The following DSC3 variants were observed in gnomAD, a reference collection of about 807,000 sequenced individuals.
DSC3 encodes the protein desmocollin-3.
In DSC3, 97 loss-of-function variants were observed where a neutral mutation model predicts 89.5. The ratio of observed to expected loss-of-function variants is 1.08; its 90% CI spans 0.92 to 1.28. DSC3 has a LOEUF of 1.28. Among genes scored for constraint, DSC3 ranks in the 50% most tolerant of loss-of-function variants. The probability of loss-of-function intolerance (pLI) is 0.00; values close to 1 mark genes in which losing one functional copy is unlikely to be tolerated. For missense variants in DSC3, 1,199 were observed against 1,085.3 expected (o/e 1.10, Z -1.47); for synonymous variants, 436 against 384.1 (o/e 1.14, Z -1.58).
At position 31,024,443 on chromosome 18, in the gene DSC3, G is replaced by A. The variant is rs1305916453; in HGVS notation, c.681C>T (p.Leu227=). ...TADGYSADLP[L]PLPIRVEDEN... is the part of the protein sequence containing the mutation. Reference sequence around the variant, plus strand: ...CATCCTCTACCCTGATGGGTAGTGGGAGGGGCAGATCTGCTGAATATCCAT... The same window carrying A: ...CATCCTCTACCCTGATGGGTAGTGGAAGGGGCAGATCTGCTGAATATCCAT... Residue 227 remains leucine, a synonymous_variant, in exon 6 of 16, where the codon CTC becomes CTT. Coordinates refer to ENST00000360428, the MANE Select transcript of DSC3 (RefSeq NM_001941.5). 6.2e-7 allele frequency: 1 copy of A among 1,612,544 alleles called. No individual in the cohort carries two copies. The highest frequency in any genetic ancestry group is 1.1e-5 in the South Asian group (1 of 90,814).
At position 31,008,061 on chromosome 18, in the gene DSC3, G is replaced by A; in HGVS notation, c.1618C>T (p.Pro540Ser). 6.2e-7 allele frequency: 1 copy of A among 1,612,536 alleles called. No homozygotes were observed. Among genetic ancestry groups the A allele is most frequent in the Non-Finnish European group, 8.5e-7 (1 of 1,179,476 alleles). ...GTAATATTATACAACTCATTTTTGG[G>A]AGTTTCAACCTCCCTATCCAGGATT... is the stretch of plus-strand genomic sequence containing the variant. Reference protein sequence around the residue: ...SKILDREVETPKNELYNITVL... With the variant: ...SKILDREVETSKNELYNITVL... The change falls in exon 11 of 16, where the codon CCC becomes TCC. Residue 540 changes from proline to serine, a missense_variant. Coordinates refer to ENST00000360428, the MANE Select transcript of DSC3 (RefSeq NM_001941.5).
At chr18:31,029,393 T>A (rs1985703766) in intron 4 of DSC3, 116 bp downstream of exon 4, 2 of 1,352,114 alleles carry the variant, frequency 1.5e-6, no homozygotes, top group East Asian at 4.8e-5. Flanking sequence ...TTGTTACACC[T>A]CATGAACATC....
At chr18:31,001,471 A>T (rs528808376) in intron 14 of DSC3, 147 bp downstream of exon 14, 267 of 894,292 alleles carry the variant, frequency 3.0e-4, no homozygotes, top group Non-Finnish European at 4.2e-4. Flanking sequence ...CACTATATAA[A>T]CATATGAATA....
intron 1 of DSC3, among the ~76,000 whole-genome samples, chr18:31,035,746 A>AT (rs534386647): frequency 2.0e-5 from 3 of 152,050 alleles, no homozygotes; most frequent in Non-Finnish European, 4.4e-5. Flanking sequence ...TTTTTGTTCT[A>AT]TTTTTTAATT....
chr18:31,028,564 A>G (rs1985677310), intron 4 of DSC3, among the ~76,000 whole-genome samples: 1 of 152,160 alleles, frequency 6.6e-6, no homozygotes, highest in Non-Finnish European at 1.5e-5. Flanking sequence ...GCACTAGGGT[A>G]GAATAAAAAA....
chr18:31,035,544 C>A (rs959110280), intron 1 of DSC3, among the ~76,000 whole-genome samples: 2 of 151,976 alleles, frequency 1.3e-5, no homozygotes, highest in Non-Finnish European at 2.9e-5. Flanking sequence ...CTTCAACAAA[C>A]CACCCATTGG....
rs1465466752 is a variant in DSC3, at chr18:31,025,746, A to G, written c.630+14T>C. 1.2e-6 allele frequency: 2 copies of G among 1,612,024 alleles called. No homozygotes were observed. Among genetic ancestry groups the G allele is most frequent in the African/African-American group, 1.3e-5 (1 of 74,966 alleles). ...TTAATAATTTAAAGTCAGGCATATCAATAAAAGTCCTACATCAAAAACATC... is the reference window on the plus strand; with the variant it reads ...TTAATAATTTAAAGTCAGGCATATCGATAAAAGTCCTACATCAAAAACATC... On this transcript the variant is annotated intron_variant, in intron 5 of 15. Transcript: ENST00000360428.
rs1984494353 is a variant in DSC3 at position 30,996,942 on chromosome 18, ATTTC to A, written c.2338_2341del (p.Glu780Ter). 4.3e-6 allele frequency: 7 copies of A among 1,613,958 alleles called. No individual in the cohort carries two copies. The highest frequency in any genetic ancestry group is 5.9e-6 in the Non-Finnish European group (7 of 1,180,020). ...CAAGGTCTGGTTTCCTCCTTTCATC[ATTTC>A]AATGGTTTCCTGCCCTCCATTTTTC... On this transcript the variant is annotated frameshift_variant, in exon 15 of 16. Transcript: ENST00000360428. LOFTEE classifies it high-confidence loss of function.
chr18:31,041,002 TAAA>T (rs869293863), intron 1 of DSC3, among the ~76,000 whole-genome samples: 1 of 88,080 alleles, frequency 1.1e-5, no homozygotes, highest in East Asian at 4.5e-4. Flanking sequence ...GGAATTATTT[TAAA>T]AAAAAAAAAT....
intron 6 of DSC3, 35 bp downstream of exon 6, chr18:31,024,314 A>C: frequency 2.0e-6 from 3 of 1,537,422 alleles, no homozygotes; most frequent in Non-Finnish European, 2.6e-6. Flanking sequence ...AGACATATTT[A>C]AAATGATTCT....
chr18:30,998,250 A>G (rs1338712978), intron 14 of DSC3, among the ~76,000 whole-genome samples: 1 of 152,324 alleles, frequency 6.6e-6, no homozygotes, highest in East Asian at 1.9e-4. Flanking sequence ...GACTGAAAGA[A>G]GTAGATGGAC....
At chr18:31,022,187 T>C in intron 7 of DSC3, 149 bp downstream of exon 7, 2 of 975,486 alleles carry the variant, frequency 2.1e-6, no homozygotes, top group East Asian at 2.6e-5. Flanking sequence ...AGAAATAATA[T>C]AAAAAACAGA....
chr18:31,027,468 C>CTTCCTTCCTTCT (rs1439204816), intron 4 of DSC3, among the ~76,000 whole-genome samples: 375 of 148,144 alleles, frequency 2.5e-3, no homozygotes, highest in African/African-American at 8.0e-3. Context: ...CATTGGTTTC[C>CTTCCTTCCTTCT]TTCCTTCCTT....
chr18:30,995,165 C>T (rs767576143), intron 15 of DSC3, among the ~76,000 whole-genome samples: 1 of 152,170 alleles, frequency 6.6e-6, no homozygotes, highest in Non-Finnish European at 1.5e-5. Context: ...ATGTCTCCTC[C>T]CTTTCCTCAC....
At chr18:31,030,571 A>G (rs1225136792) in intron 3 of DSC3, among the ~76,000 whole-genome samples, 1 of 152,194 alleles carries the variant, frequency 6.6e-6, no homozygotes, top group Non-Finnish European at 1.5e-5. Context: ...TAGAGGTGGA[A>G]GAAGCCCTCA....
intron 4 of DSC3, 136 bp from the exon 5 acceptor site, chr18:31,026,051 T>C: frequency 1.1e-6 from 1 of 917,424 alleles, no homozygotes; most frequent in Non-Finnish European, 1.6e-6. Context: ...ATAATAACCA[T>C]TGTTGGCAAG....
In DSC3 at chr18:30,989,508, G is replaced by A. The variant is rs1984161845; in HGVS notation, c.*4667C>T. On this transcript the variant is annotated 3_prime_UTR_variant, in exon 16 of 16. Coordinates refer to ENST00000360428, the MANE Select transcript of DSC3 (RefSeq NM_001941.5). ...GGTTTCCTCTTGGGGTGATGAAAATGTTCCAGAACTAGATAGTGGTAACAG... is the reference window on the plus strand; with the variant it reads ...GGTTTCCTCTTGGGGTGATGAAAATATTCCAGAACTAGATAGTGGTAACAG... 1.3e-5 allele frequency among the ~76,000 whole-genome samples: 2 copies of A among 152,140 alleles called. No homozygotes were observed. Among genetic ancestry groups the A allele is most frequent in the Admixed American group, 6.5e-5 (1 of 15,276 alleles).
Position 30,996,983 on chromosome 18 carries a change from C to G in DSC3, c.2301G>C (p.Met767Ile), listed in dbSNP as rs1276412726. Residue 767 changes from methionine to isoleucine, a missense_variant, in exon 15 of 16, where the codon ATG (methionine) becomes ATC (isoleucine). Coordinates refer to ENST00000360428, the MANE Select transcript of DSC3 (RefSeq NM_001941.5). ...NNSSQGFCGT[M>I]GSGMKNGGQE... ...GCCCTCCATTTTTCATTCCTGATCCCATAGTACCACAAAAACCTTGGCTAG... is the reference window on the plus strand; with the variant it reads ...GCCCTCCATTTTTCATTCCTGATCCGATAGTACCACAAAAACCTTGGCTAG... 1 of 1,614,146 alleles carries G rather than the reference C, an allele frequency of 6.2e-7. No homozygotes were observed. Among genetic ancestry groups the G allele is most frequent in the East Asian group, 2.2e-5 (1 of 44,874 alleles).
At chr18:31,024,268 G>T in intron 6 of DSC3, 81 bp downstream of exon 6, 1 of 1,346,486 alleles carries the variant, frequency 7.4e-7, no homozygotes, top group Non-Finnish European at 9.9e-7. Flanking sequence ...ATCTGGCCTT[G>T]AGTATAAAAA....
Sources: gnomAD v4.1 joint callset for allele counts (sites outside exome capture counted in the v4.1 genomes callset) on GRCh38, gnomAD v4.1.1 for gene constraint, MANE v1.5 for transcripts, NCBI Gene and HGNC (gene_info 2026-07-23, HGNC 2026-07-21) for gene names.